STARD9: variants seen among roughly 807,000 people sequenced by gnomAD.
STARD9 encodes StAR related lipid transfer domain containing 9, also known as stAR-related lipid transfer protein 9.
A neutral mutation model predicts 399.8 loss-of-function variants in STARD9; 346 were observed. The ratio of observed to expected loss-of-function variants is 0.87; its 90% confidence interval spans 0.79 to 0.95. The LOEUF is 0.95. Among genes scored for constraint, STARD9 ranks in the 40% least tolerant of loss-of-function variants. The pLI is 0.00. For synonymous variants in STARD9, 2,203 were observed against 2,143.5 expected, an observed-to-expected ratio of 1.03 and a Z score of -0.77; for missense variants, 5,832 against 5,667.5, an observed-to-expected ratio of 1.03 and a Z score of -0.93.
intron 31 of STARD9, 106 bp downstream of exon 31, chr15:42,718,620 G>C (rs1295196309): frequency 2.4e-5 from 34 of 1,429,518 alleles, no homozygotes; most frequent in Non-Finnish European, 3.2e-5. Context: ...AGGGCAAATT[G>C]GGGCTGGAGC....
At position 42,594,047 on chromosome 15, in the gene STARD9, T is replaced by C. The variant is rs989075445; in HGVS notation, c.234+8410T>C. ...AACACACAGAATACATCATTACTTATGTCAAGGAGCCCTGAGAGAGAGTGA... is the reference window on the plus strand; with the variant it reads ...AACACACAGAATACATCATTACTTACGTCAAGGAGCCCTGAGAGAGAGTGA... On this transcript the variant is annotated intron_variant, in intron 3 of 32. Coordinates refer to ENST00000290607, the MANE Select transcript of STARD9 (RefSeq NM_020759.3). Among the ~76,000 whole-genome samples, 8 of 152,166 alleles carry C rather than the reference T, an allele frequency of 5.3e-5. No homozygotes were observed. In the South Asian group the frequency reaches 6.2e-4, roughly 12 times the overall value.
intron 19 of STARD9, 27 bp from the exon 20 acceptor site, chr15:42,675,845 C>T: frequency 4.6e-6 from 7 of 1,536,496 alleles, no homozygotes; most frequent in South Asian, 2.4e-5. Flanking sequence ...TGACAGCAGC[C>T]TCACTGTGCT....
chr15:42,582,821 A>G (rs925011937), intron 1 of STARD9, among the ~76,000 whole-genome samples: 3 of 152,112 alleles, frequency 2.0e-5, no homozygotes, highest in Admixed American at 6.5e-5. Context: ...CAGTCTTGCA[A>G]GTAGTTGGGA....
At chr15:42,582,825 G>C (rs2058201739) in intron 1 of STARD9, among the ~76,000 whole-genome samples, 1 of 152,182 alleles carries the variant, frequency 6.6e-6, no homozygotes, top group African/African-American at 2.4e-5. Context: ...CTTGCAAGTA[G>C]TTGGGATTGT....
chr15:42,694,771 A>G (rs1439615471), intron 24 of STARD9, 46 bp downstream of exon 24: 4 of 1,342,696 alleles, frequency 3.0e-6, no homozygotes, highest in Non-Finnish European at 3.9e-6. Flanking sequence ...CTGTTGGGGG[A>G]GGGGAGTATG....
intron 3 of STARD9, among the ~76,000 whole-genome samples, chr15:42,613,950 G>A (rs1283695629): frequency 6.6e-6 from 1 of 151,766 alleles, no homozygotes; most frequent in African/African-American, 2.4e-5. Flanking sequence ...GGGTGACAGA[G>A]CAAGACTGCA....
intron 26 of STARD9, among the ~76,000 whole-genome samples, chr15:42,706,814 C>A (rs900398416): frequency 1.3e-5 from 2 of 152,114 alleles, no homozygotes; most frequent in Non-Finnish European, 2.9e-5. Flanking sequence ...CCAACTATTC[C>A]TACTTTATAG....
chr15:42,681,633 G>A (rs1203940293), intron 21 of STARD9, 21 bp downstream of exon 21: 2 of 1,521,216 alleles, frequency 1.3e-6, no homozygotes, highest in Admixed American at 4.0e-5. Flanking sequence ...ACCACTTAAT[G>A]TGTCTGCCTC....
chr15:42,704,827 A>C (rs571658890), intron 26 of STARD9, among the ~76,000 whole-genome samples: 4 of 152,270 alleles, frequency 2.6e-5, no homozygotes, highest in African/African-American at 9.6e-5. Context: ...TGTTGCCTAC[A>C]GTTGGAGGGA....
intron 7 of STARD9, 24 bp downstream of exon 7, chr15:42,638,836 T>C: frequency 7.1e-7 from 1 of 1,400,466 alleles, no homozygotes; most frequent in Non-Finnish European, 9.7e-7. Context: ...GTCCTGGAGA[T>C]CTGAAACCAA....
intron 3 of STARD9, among the ~76,000 whole-genome samples, chr15:42,620,727 CTTTTATTTTATTTTATTTTA>C (rs71108173): frequency 7.0e-6 from 1 of 142,490 alleles, no homozygotes; most frequent in East Asian, 2.0e-4. Flanking sequence ...TAGAATGTCC[CTTTTATTTTATTTTATTTTA>C]TTTTATTTTA....
intron 16 of STARD9, chr15:42,670,950 G>A (rs1360086590): frequency 6.6e-6 from 1 of 152,046 alleles, no homozygotes; most frequent in Non-Finnish European, 1.5e-5. Context: ...TGATTAAAAT[G>A]GTCACTATTT....
chr15:42,609,869 G>C (rs2058813108), intron 3 of STARD9, among the ~76,000 whole-genome samples: 1 of 152,026 alleles, frequency 6.6e-6, no homozygotes. Flanking sequence ...GAGGCGGATG[G>C]ATCACTTGAG....
chr15:42,623,835 A>T (rs1011447090), intron 3 of STARD9, among the ~76,000 whole-genome samples: 1 of 152,260 alleles, frequency 6.6e-6, no homozygotes, highest in Non-Finnish European at 1.5e-5. Context: ...TAGGAAATCT[A>T]GACTCATTTG....
intron 1 of STARD9, among the ~76,000 whole-genome samples, chr15:42,579,349 C>T (rs1306453934): frequency 2.0e-5 from 3 of 152,158 alleles, no homozygotes; most frequent in Non-Finnish European, 4.4e-5. Flanking sequence ...ACAGCAGACT[C>T]GCCTGTGAAC....
At chr15:42,646,733 C>G (rs1214297698) in intron 7 of STARD9, among the ~76,000 whole-genome samples, 1 of 152,228 alleles carries the variant, frequency 6.6e-6, no homozygotes, top group East Asian at 1.9e-4. Context: ...CCTTCAAGAA[C>G]TTTTCCTTTG....
chr15:42,695,654 G>A (rs2060826873), intron 25 of STARD9, 89 bp from the exon 26 acceptor site: 3 of 1,423,152 alleles, frequency 2.1e-6, no homozygotes, highest in African/African-American at 1.4e-5. Flanking sequence ...AGGTGAGCAG[G>A]GAAGGGGTGG....
chr15:42,584,567 T>C (rs2058236891), intron 2 of STARD9, among the ~76,000 whole-genome samples: 1 of 152,216 alleles, frequency 6.6e-6, no homozygotes, highest in South Asian at 2.1e-4. Context: ...TAGTTTATGA[T>C]GGCTAGTGGC....
chr15:42,601,507 C>T (rs1385852833), intron 3 of STARD9, among the ~76,000 whole-genome samples: 2 of 148,088 alleles, frequency 1.4e-5, no homozygotes, highest in Non-Finnish European at 3.0e-5. Context: ...CCCCACCTCC[C>T]GGATGGGGCG....
Sources: gnomAD v4.1 joint callset for allele counts (sites outside exome capture counted in the v4.1 genomes callset) on GRCh38, gnomAD v4.1.1 for gene constraint, MANE v1.5 for transcripts, NCBI Gene and HGNC (gene_info 2026-07-23, HGNC 2026-07-21) for gene names.